The following LAMA2 variants were observed in gnomAD, a reference collection of about 807,000 sequenced individuals.
The protein encoded by LAMA2 is laminin subunit alpha-2.
Under a neutral mutation model 364.8 loss-of-function variants are expected in LAMA2, and 269 were observed. That is an observed-to-expected ratio of 0.74 (90% CI 0.67 to 0.82). The LOEUF is 0.82. Among genes scored for constraint, LAMA2 ranks in the 40% least tolerant of loss-of-function variants. LAMA2 has a pLI of 0.00. For synonymous variants in LAMA2, 1,379 were observed against 1,370.6 expected, an observed-to-expected ratio of 1.01 and a Z score of -0.14; for missense variants, 3,807 against 3,873.2, an observed-to-expected ratio of 0.98 and a Z score of 0.45.
rs1491387157 is a variant in LAMA2, at chr6:129,330,591, G to GTTTTTTTTTTTTTTTTTTTTTTTTTTTT, written c.4311+2179_4311+2180insTTTTTTTTTTTTTTTTTTTTTTTTTTTT. Among the ~76,000 whole-genome samples the GTTTTTTTTTTTTTTTTTTTTTTTTTTTT allele has an allele frequency of 2.4e-5, 2 of 83,790 alleles. 1 individual carries two copies. The highest frequency in any genetic ancestry group is 4.6e-5 in the Non-Finnish European group (2 of 43,626). The allele number at this position is 83,790 out of a possible 152,430, so 55.0% of individuals were successfully genotyped here. On this transcript the variant is annotated intron_variant, in intron 29 of 64. Coordinates refer to ENST00000421865, the MANE Select transcript of LAMA2 (RefSeq NM_000426.4). ...TTGAAGCGTTTTTTTGTTGTTGTTT[G>GTTTTTTTTTTTTTTTTTTTTTTTTTTTT]GTTTTTGTTTTTTTTTTTTTTTTTC...
At chr6:129,314,560 T>TTTTAAAAAA in intron 23 of LAMA2, 95 bp from the exon 24 acceptor site, 1 of 1,171,802 alleles carries the variant, frequency 8.5e-7, no homozygotes, top group Non-Finnish European at 1.2e-6. Flanking sequence ...GTTTTAAATT[T>TTTTAAAAAA]TTTAAAAAGA....
intron 4 of LAMA2, among the ~76,000 whole-genome samples, chr6:129,127,839 C>T (rs1414802898): frequency 6.6e-6 from 1 of 151,160 alleles, no homozygotes; most frequent in Non-Finnish European, 1.5e-5. Flanking sequence ...CTTCCTTGCT[C>T]ATTTTTAATT....
At chr6:129,345,839 A>G (rs1046620665) in intron 30 of LAMA2, among the ~76,000 whole-genome samples, 5 of 152,194 alleles carry the variant, frequency 3.3e-5, no homozygotes, top group Non-Finnish European at 7.3e-5. Flanking sequence ...GTATTAGGCT[A>G]ATTAACAAAG....
intron 18 of LAMA2, among the ~76,000 whole-genome samples, chr6:129,286,973 C>CAG (rs5879941): frequency 1 from 105,620 of 106,024 alleles, 52,614 homozygotes; most frequent in Middle Eastern, 1. Context: ...AAGAAAGAAA[C>CAG]AGAGAGGAAG....
At chr6:129,159,607 GCTTA>G (rs1458960271) in intron 8 of LAMA2, among the ~76,000 whole-genome samples, 1 of 152,182 alleles carries the variant, frequency 6.6e-6, no homozygotes, top group Non-Finnish European at 1.5e-5. Context: ...GTACATTCAG[GCTTA>G]CTTCTTCCTT....
intron 17 of LAMA2, among the ~76,000 whole-genome samples, chr6:129,277,666 A>G (rs920179305): frequency 6.6e-6 from 1 of 152,188 alleles, no homozygotes; most frequent in Non-Finnish European, 1.5e-5. Flanking sequence ...GAAATTTTGT[A>G]TATGACCTTG....
At chr6:129,092,592 A>T (rs1009239081) in intron 3 of LAMA2, among the ~76,000 whole-genome samples, 1 of 152,236 alleles carries the variant, frequency 6.6e-6, no homozygotes, top group Admixed American at 6.5e-5. Flanking sequence ...AGAAAAGTGC[A>T]GAACCTCTTT....
At chr6:128,910,204 T>C (rs1777805133) in intron 1 of LAMA2, among the ~76,000 whole-genome samples, 2 of 152,234 alleles carry the variant, frequency 1.3e-5, no homozygotes, top group Admixed American at 6.5e-5. Context: ...ATTGGGGAAG[T>C]TCTCCTGGAT....
chr6:129,110,888 G>A (rs774862110), intron 4 of LAMA2, among the ~76,000 whole-genome samples: 18 of 151,026 alleles, frequency 1.2e-4, no homozygotes, highest in East Asian at 3.9e-4. Context: ...ATCTCTACTC[G>A]GAAAAACCCA....
At chr6:129,061,201 C>T (rs947896270) in intron 3 of LAMA2, among the ~76,000 whole-genome samples, 1 of 152,276 alleles carries the variant, frequency 6.6e-6, no homozygotes, top group Admixed American at 6.5e-5. Flanking sequence ...CAAGAGTTCT[C>T]CCCCTTCATG....
intron 20 of LAMA2, chr6:129,292,847 T>A (rs1789808620): frequency 1.0e-6 from 1 of 985,762 alleles, no homozygotes; most frequent in East Asian, 1.1e-4. Flanking sequence ...GTGTGCTATG[T>A]GACTGCGATC....
chr6:129,448,692 A>G (rs764196607), intron 45 of LAMA2, among the ~76,000 whole-genome samples: 2 of 152,244 alleles, frequency 1.3e-5, no homozygotes, highest in African/African-American at 2.4e-5. Context: ...GGGATACTCA[A>G]TAATGTTTGA....
intron 1 of LAMA2, among the ~76,000 whole-genome samples, chr6:128,993,073 A>G (rs991639600): frequency 3.3e-5 from 5 of 152,210 alleles, no homozygotes; most frequent in African/African-American, 1.2e-4. Context: ...TCCCTGAGAC[A>G]CATTGTGAGA....
At chr6:129,091,894 A>C (rs1774852646) in intron 3 of LAMA2, among the ~76,000 whole-genome samples, 1 of 152,224 alleles carries the variant, frequency 6.6e-6, no homozygotes, top group Admixed American at 6.5e-5. Flanking sequence ...GAATCTGTAT[A>C]AGTATCTCTT....
chr6:129,219,993 A>C (rs903729144), intron 12 of LAMA2, among the ~76,000 whole-genome samples: 19 of 151,902 alleles, frequency 1.3e-4, no homozygotes, highest in African/African-American at 4.1e-4. Flanking sequence ...AAATAAAATA[A>C]AATAAGACCA....
chr6:129,488,139 C>T (rs1211511749), intron 56 of LAMA2, among the ~76,000 whole-genome samples: 1 of 152,108 alleles, frequency 6.6e-6, no homozygotes, highest in African/African-American at 2.4e-5. Flanking sequence ...GAAACCCCGT[C>T]TCTACTAAAA....
At chr6:129,456,842 T>C (rs1583796368) in intron 48 of LAMA2, among the ~76,000 whole-genome samples, 1 of 152,170 alleles carries the variant, frequency 6.6e-6, no homozygotes, top group East Asian at 1.9e-4. Flanking sequence ...TATGAAGTGC[T>C]ATAAAGTTCA....
intron 58 of LAMA2, among the ~76,000 whole-genome samples, chr6:129,494,912 A>G (rs1346669329): frequency 6.6e-6 from 1 of 152,256 alleles, no homozygotes; most frequent in African/African-American, 2.4e-5. Context: ...TCATGAGTTG[A>G]ATAAACTTTT....
At chr6:129,443,150 C>G (rs892714007) in intron 44 of LAMA2, 82 bp downstream of exon 44, 2 of 1,055,216 alleles carry the variant, frequency 1.9e-6, no homozygotes, top group Non-Finnish European at 2.9e-6. Flanking sequence ...TTTGCATGTA[C>G]TATATTTTGG....
Sources: gnomAD v4.1 joint callset for allele counts (sites outside exome capture counted in the v4.1 genomes callset) on GRCh38, gnomAD v4.1.1 for gene constraint, MANE v1.5 for transcripts, NCBI Gene and HGNC (gene_info 2026-07-23, HGNC 2026-07-21) for gene names.